Variants in CAST observed in about 807,000 individuals in gnomAD.
CAST encodes MIR583 host.
CAST carries 76 observed loss-of-function variants against 119.6 expected under a neutral mutation model. The observed-to-expected ratio is 0.64, with a 90% confidence interval of 0.53 to 0.77. CAST has a LOEUF of 0.77. Ranked by LOEUF, CAST falls within the 30% of genes least tolerant of loss-of-function variation. The pLI, the probability that CAST is intolerant of heterozygous loss-of-function variation, is 0.00. For synonymous variants in CAST, 319 were observed against 331.6 expected, an observed-to-expected ratio of 0.96 and a Z score of 0.41; for missense variants, 953 against 946.5, an observed-to-expected ratio of 1.01 and a Z score of -0.09.
At chr5:96,337,890 AT>A in the CAST span, among the ~76,000 whole-genome samples, 2 of 152,238 alleles carry the variant, frequency 1.3e-5, no homozygotes, top group Non-Finnish European at 2.9e-5. Flanking sequence ...ACCTAACAGA[AT>A]ACCTCTAACA....
the CAST span, among the ~76,000 whole-genome samples, chr5:96,345,963 G>A: frequency 6.6e-6 from 1 of 152,180 alleles, no homozygotes; most frequent in African/African-American, 2.4e-5. Flanking sequence ...GGAAGCAAAA[G>A]TAGGGAGGAT....
chr5:96,014,716 T>C, the CAST span, among the ~76,000 whole-genome samples: 3 of 152,136 alleles, frequency 2.0e-5, no homozygotes, highest in African/African-American at 7.2e-5. Flanking sequence ...TCTATGCAAG[T>C]AGGATAAACT....
chr5:96,252,443 C>T, the CAST span, among the ~76,000 whole-genome samples: 4 of 152,196 alleles, frequency 2.6e-5, no homozygotes, highest in South Asian at 2.1e-4. Flanking sequence ...ACAAAACTTA[C>T]GACTAAATGA....
upstream of CAST, among the ~76,000 whole-genome samples, chr5:96,660,163 G>C (rs990962139): frequency 6.6e-6 from 1 of 152,158 alleles, no homozygotes; most frequent in Non-Finnish European, 1.5e-5. Context: ...AGCCAGGTGA[G>C]TGGGTTCCTC....
At chr5:96,010,375 G>A in the CAST span, among the ~76,000 whole-genome samples, 3 of 152,226 alleles carry the variant, frequency 2.0e-5, no homozygotes, top group East Asian at 1.9e-4. Context: ...GCAATGGCAC[G>A]ATCTCAGCTC....
the CAST span, among the ~76,000 whole-genome samples, chr5:95,998,286 G>C: frequency 1.3e-5 from 2 of 151,812 alleles, no homozygotes; most frequent in Admixed American, 1.3e-4. Context: ...ATATTTAGGG[G>C]ATACAAGTGT....
intron 1 of CAST, among the ~76,000 whole-genome samples, chr5:96,619,559 T>A (rs1054661079): frequency 6.6e-6 from 1 of 152,244 alleles, no homozygotes; most frequent in African/African-American, 2.4e-5. Context: ...TTTTGCTTTT[T>A]GCAATAAATC....
At chr5:95,970,941 C>T in the CAST span, among the ~76,000 whole-genome samples, 7 of 152,096 alleles carry the variant, frequency 4.6e-5, no homozygotes, top group Admixed American at 2.0e-4. Flanking sequence ...TTTGATTTAC[C>T]TGCAAAAAGA....
At chr5:95,967,629 A>T in the CAST span, among the ~76,000 whole-genome samples, 2 of 152,168 alleles carry the variant, frequency 1.3e-5, no homozygotes, top group South Asian at 4.2e-4. Context: ...TGATGGTTTT[A>T]TAAGGAGTTT....
chr5:95,968,259 A>T, the CAST span, among the ~76,000 whole-genome samples: 8 of 152,240 alleles, frequency 5.3e-5, no homozygotes, highest in Non-Finnish European at 1.2e-4. Context: ...AACAAGGCAA[A>T]TAAAATGATC....
At chr5:96,708,711 G>A (rs958057934) in intron 3 of CAST, among the ~76,000 whole-genome samples, 3 of 152,132 alleles carry the variant, frequency 2.0e-5, no homozygotes, top group African/African-American at 4.8e-5. Context: ...GGCTGGTCTT[G>A]AATTCCTGGG....
chr5:96,546,760 A>G (rs989972939), intron 1 of CAST, among the ~76,000 whole-genome samples: 13 of 152,196 alleles, frequency 8.5e-5, no homozygotes, highest in Admixed American at 3.3e-4. Flanking sequence ...AAATACAAAA[A>G]GGCCCATCGA....
chr5:96,103,722 G>T, the CAST span, among the ~76,000 whole-genome samples: 1 of 151,886 alleles, frequency 6.6e-6, no homozygotes, highest in Admixed American at 6.6e-5. Flanking sequence ...ACCCAGTAAT[G>T]GGATGGCTGG....
At chr5:96,433,868 C>T in the CAST span, among the ~76,000 whole-genome samples, 1 of 152,202 alleles carries the variant, frequency 6.6e-6, no homozygotes, top group Non-Finnish European at 1.5e-5. Flanking sequence ...GTTTCTCAAC[C>T]TCAGTAAAAC....
At chr5:96,295,027 C>A in the CAST span, among the ~76,000 whole-genome samples, 1 of 152,178 alleles carries the variant, frequency 6.6e-6, no homozygotes, top group Non-Finnish European at 1.5e-5. Flanking sequence ...GTTTCTCTAT[C>A]TGTGGATCAT....
chr5:96,357,847 A>C, the CAST span, among the ~76,000 whole-genome samples: 3 of 152,180 alleles, frequency 2.0e-5, no homozygotes, highest in African/African-American at 7.2e-5. Flanking sequence ...GGCCTCATAT[A>C]ATGAGTTAGA....
At chr5:96,688,913 A>AT (rs1752391686) in intron 2 of CAST, among the ~76,000 whole-genome samples, 1 of 152,064 alleles carries the variant, frequency 6.6e-6, no homozygotes, top group South Asian at 2.1e-4. Flanking sequence ...TGTATTTGAG[A>AT]TTTTTTACTT....
the CAST span, among the ~76,000 whole-genome samples, chr5:96,423,825 C>T: frequency 6.6e-6 from 1 of 152,196 alleles, no homozygotes; most frequent in Non-Finnish European, 1.5e-5. Context: ...TCATCTCCCC[C>T]CAAATCCTGA....
intron 1 of CAST, among the ~76,000 whole-genome samples, chr5:96,647,765 C>T (rs4869304): frequency 0.3 from 45,847 of 151,982 alleles, 7,107 homozygotes; most frequent in African/African-American, 0.35. Context: ...AGATCCTTCC[C>T]GAGCTCCTTC....
Sources: allele counts gnomAD v4.1 joint callset (sites outside exome capture counted in the v4.1 genomes callset), GRCh38; gene constraint gnomAD v4.1.1; transcripts MANE v1.5; gene names NCBI Gene and HGNC (gene_info 2026-07-23, HGNC 2026-07-21).